ZNF532: variants seen among roughly 807,000 people sequenced by gnomAD.
ZNF532 encodes zinc finger protein 532.
Under a neutral mutation model 89.3 loss-of-function variants are expected in ZNF532, and 22 were observed. That is an observed-to-expected ratio of 0.25 (90% CI 0.18 to 0.35). The LOEUF (loss-of-function observed/expected upper bound fraction) is 0.35. Ranked by LOEUF, ZNF532 falls within the 10% of genes least tolerant of loss-of-function variation. The probability of loss-of-function intolerance (pLI) is 1.00; values close to 1 mark genes in which losing one functional copy is unlikely to be tolerated. For synonymous variants in ZNF532, 606 were observed against 649.6 expected (o/e 0.93, Z 1.02); for missense variants, 1,132 against 1,643.4 (o/e 0.69, Z 5.38).
chr18:58,872,658 C>T (rs185351770), intron 2 of ZNF532, among the ~76,000 whole-genome samples: 123 of 151,950 alleles, frequency 8.1e-4, no homozygotes, highest in African/African-American at 2.7e-3. Context: ...AGCCCAAGAC[C>T]GCATTCATCA....
intron 5 of ZNF532, among the ~76,000 whole-genome samples, chr18:58,940,963 T>TACACAC (rs2062959386): frequency 3.8e-5 from 4 of 105,358 alleles, no homozygotes; most frequent in East Asian, 3.2e-4. Flanking sequence ...CACACACTCT[T>TACACAC]TCTCTCTCTC....
rs75547438 is a variant in ZNF532, at chr18:58,936,170, C to T, written c.2528+1556C>T. Among the ~76,000 whole-genome samples the T allele has an allele frequency of 5.0e-3, 767 of 152,326 alleles. 7 individuals are homozygous for T. The highest frequency in any genetic ancestry group is 0.017 in the African/African-American group (689 of 41,566). ...ACGTATTCTTTCTGTGCCATGGTGC[C>T]TCTGTCAGTAAAATTGGTGCATTGT... On this transcript the variant is annotated intron_variant, in intron 4 of 9. Coordinates refer to ENST00000591808, the MANE Select transcript of ZNF532 (RefSeq NM_001375912.1).
chr18:58,916,748 C>T, intron 2 of ZNF532: 1 of 985,128 alleles, frequency 1.0e-6, no homozygotes, highest in Non-Finnish European at 1.2e-6. Flanking sequence ...TACTGAGGGT[C>T]TTAGCAGCTG....
chr18:58,931,137 T>C (rs1426398310), intron 3 of ZNF532, among the ~76,000 whole-genome samples: 2 of 152,232 alleles, frequency 1.3e-5, no homozygotes, highest in Non-Finnish European at 2.9e-5. Flanking sequence ...CATTTTTAGA[T>C]GACATAAGTA....
chr18:58,981,634 G>A lies in ZNF532; in HGVS notation c.3411+17G>A. On this transcript the variant is annotated intron_variant, in intron 9 of 9. Transcript: ENST00000591808. ...GACACTAAGGTCTAACATTGCAGAT[G>A]TTTGCTTTACAGTGAAATTGTGTTG... The A allele has an allele frequency of 3.7e-6, 6 of 1,613,700 alleles. No individual in the cohort carries two copies. Among genetic ancestry groups the A allele is most frequent in the Middle Eastern group, 1.6e-4 (1 of 6,062 alleles).
chr18:58,888,815 T>TTA (rs1308544095), intron 2 of ZNF532, among the ~76,000 whole-genome samples: 932 of 16,660 alleles, frequency 0.056, 67 homozygotes, highest in East Asian at 0.31. Context: ...ATATAAAAAA[T>TTA]TATATATATA....
At chr18:58,904,579 A>G (rs926125329) in intron 2 of ZNF532, among the ~76,000 whole-genome samples, 1 of 151,980 alleles carries the variant, frequency 6.6e-6, no homozygotes, top group Non-Finnish European at 1.5e-5. Context: ...GAGAGAGAGA[A>G]ATAATTTCTT....
At chr18:58,888,878 A>AAAT (rs1568248811) in intron 2 of ZNF532, among the ~76,000 whole-genome samples, 1 of 49,158 alleles carries the variant, frequency 2.0e-5, no homozygotes, top group Non-Finnish European at 3.2e-5. Flanking sequence ...AATATATATT[A>AAAT]TATATATATA....
At chr18:58,975,225 A>G (rs1205860646) in intron 7 of ZNF532, among the ~76,000 whole-genome samples, 1 of 152,168 alleles carries the variant, frequency 6.6e-6, no homozygotes, top group African/African-American at 2.4e-5. Flanking sequence ...GGTTGAGGAT[A>G]ATCCTGTAGC....
At chr18:58,889,997 C>T (rs1386639508) in intron 2 of ZNF532, among the ~76,000 whole-genome samples, 3 of 151,746 alleles carry the variant, frequency 2.0e-5, no homozygotes, top group African/African-American at 4.8e-5. Context: ...GCAGGAGAAT[C>T]GTTTGAACCC....
intron 2 of ZNF532, among the ~76,000 whole-genome samples, chr18:58,870,937 C>G (rs1014466011): frequency 2.0e-5 from 3 of 151,976 alleles, no homozygotes; most frequent in African/African-American, 7.3e-5. Flanking sequence ...GCCTCTGGCT[C>G]TGTGAGTCTG....
intron 2 of ZNF532, among the ~76,000 whole-genome samples, chr18:58,888,884 ATATATTT>A (rs1478939150): frequency 1.8e-5 from 1 of 54,188 alleles, no homozygotes; most frequent in African/African-American, 8.6e-5. Flanking sequence ...TATTATATAT[ATATATTT>A]TATATATATA....
At chr18:58,876,978 T>G (rs2057480193) in intron 2 of ZNF532, among the ~76,000 whole-genome samples, 1 of 152,022 alleles carries the variant, frequency 6.6e-6, no homozygotes, top group Admixed American at 6.6e-5. Flanking sequence ...GAGGATCACT[T>G]GAGCCCAGGA....
In ZNF532 at chr18:58,959,253, G is replaced by GTTTTTTTT. The variant is rs201150500; in HGVS notation, c.3150+5460_3150+5461insTTTTTTTT. On this transcript the variant is annotated intron_variant, in intron 7 of 9. Transcript: ENST00000591808. Reference sequence around the variant, plus strand: ...GAACCTTAGATCTTTTCAGTTTTTTGTTTTTTGTTTTTTTTTGTTTTTTTT... The same window carrying GTTTTTTTT: ...GAACCTTAGATCTTTTCAGTTTTTTGTTTTTTTTTTTTTTGTTTTTTTTTGTTTTTTTT... Among the ~76,000 whole-genome samples the GTTTTTTTT allele has an allele frequency of 3.4e-3, 416 of 121,152 alleles. 5 individuals carry two copies. Among genetic ancestry groups the GTTTTTTTT allele is most frequent in the East Asian group, 0.014 (44 of 3,160 alleles). The allele number at this position is 121,152 out of a possible 152,430, so 79.5% of individuals were successfully genotyped here. A position where few individuals can be genotyped will look rare whatever the true frequency, so the allele number is the denominator to read the frequency against.
rs377198927 is a variant in ZNF532, at chr18:58,942,243, C to A, written c.2705+2622C>A. On this transcript the variant is annotated intron_variant, in intron 5 of 9. Coordinates refer to ENST00000591808, the MANE Select transcript of ZNF532 (RefSeq NM_001375912.1). The stretch of plus-strand genomic sequence containing the variant: ...TTCACCGTGTTAGCCAGGATGGTCT[C>A]GAACTCCTGACCTCGTGATCCGCCC... Among the ~76,000 whole-genome samples the A allele has an allele frequency of 1.7e-4, 25 of 150,922 alleles. No individual in the cohort carries two copies. The East Asian group carries it at 3.0e-3, about 18-fold the overall frequency.
At chr18:58,880,774 C>CGCGCGCACA (rs1568227863) in intron 2 of ZNF532, among the ~76,000 whole-genome samples, 1 of 142,242 alleles carries the variant, frequency 7.0e-6, no homozygotes, top group African/African-American at 2.8e-5. Context: ...GCGCGCGCGT[C>CGCGCGCACA]TGTGTGTGTG....
At chr18:58,934,953 T>A (rs1165013914) in intron 4 of ZNF532, among the ~76,000 whole-genome samples, 2 of 152,104 alleles carry the variant, frequency 1.3e-5, no homozygotes, top group African/African-American at 4.8e-5. Context: ...GCAAGAAAAC[T>A]ATACATTCCG....
intron 2 of ZNF532, among the ~76,000 whole-genome samples, chr18:58,876,211 G>T (rs2057416377): frequency 6.6e-6 from 1 of 152,086 alleles, no homozygotes; most frequent in Non-Finnish European, 1.5e-5. Flanking sequence ...TGGGATTACA[G>T]GCGTGAGCCA....
Position 58,939,445 on chromosome 18 carries a change from A to T in ZNF532, c.2529A>T (p.Arg843=). ...GACCGTGTGTTTATTTTTCTAACAG[A>T]TGTGTGCATTGCAATGTTGTGTACT... ...CLHYTRRVGF[R]CVHCNVVYSD... Residue 843 remains arginine (R), a splice_region_variant and synonymous_variant, in exon 5 of 10, where the codon CGA becomes CGT. Coordinates refer to ENST00000591808, the MANE Select transcript of ZNF532 (RefSeq NM_001375912.1). 6.2e-7 allele frequency: 1 copy of T among 1,611,420 alleles called. No individual in the cohort carries two copies. Among genetic ancestry groups the T allele is most frequent in the Non-Finnish European group, 8.5e-7 (1 of 1,178,942 alleles).
Sources: gnomAD v4.1 joint callset for allele counts (sites outside exome capture counted in the v4.1 genomes callset) on GRCh38, gnomAD v4.1.1 for gene constraint, MANE v1.5 for transcripts, NCBI Gene and HGNC (gene_info 2026-07-23, HGNC 2026-07-21) for gene names.